Variants in SULF1 observed in about 807,000 individuals in gnomAD.
SULF1 encodes extracellular sulfatase Sulf-1.
Under a neutral mutation model 110.5 loss-of-function variants are expected in SULF1, and 46 were observed. That is an observed-to-expected ratio of 0.42 (90% CI 0.33 to 0.53). The LOEUF (loss-of-function observed/expected upper bound fraction) is 0.53. Among genes scored for constraint, SULF1 ranks in the 20% least tolerant of loss-of-function variants. The pLI is 0.12. For missense variants in SULF1, 941 were observed against 1,094.2 expected (o/e 0.86, Z 1.98); for synonymous variants, 371 against 387.1 (o/e 0.96, Z 0.49).
intron 5 of SULF1, among the ~76,000 whole-genome samples, chr8:69,566,677 C>T (rs2150726471): frequency 6.6e-6 from 1 of 152,114 alleles, no homozygotes; most frequent in East Asian, 1.9e-4. Context: ...ATAGTGAAAC[C>T]CCGTCTGTAC....
intron 3 of SULF1, among the ~76,000 whole-genome samples, chr8:69,505,025 T>G (rs763903965): frequency 5.9e-5 from 9 of 152,216 alleles, no homozygotes; most frequent in Non-Finnish European, 1.0e-4. Flanking sequence ...ACTGCTTACC[T>G]GTAGCTCATT....
intron 1 of SULF1, among the ~76,000 whole-genome samples, chr8:69,485,088 C>T (rs1809652082): frequency 6.6e-6 from 1 of 152,146 alleles, no homozygotes; most frequent in African/African-American, 2.4e-5. Context: ...GATGGGAGCT[C>T]AGGAAAAGTG....
At chr8:69,467,828 T>C (rs1218859690) in intron 1 of SULF1, among the ~76,000 whole-genome samples, 1 of 152,218 alleles carries the variant, frequency 6.6e-6, no homozygotes, top group East Asian at 1.9e-4. Flanking sequence ...AAACTAGTCA[T>C]TGGAAATTAA....
At chr8:69,506,831 G>A (rs1253950320) in intron 3 of SULF1, among the ~76,000 whole-genome samples, 1 of 152,190 alleles carries the variant, frequency 6.6e-6, no homozygotes, top group Non-Finnish European at 1.5e-5. Flanking sequence ...ACATTCACAA[G>A]TGGATATTAA....
intron 6 of SULF1, among the ~76,000 whole-genome samples, chr8:69,583,649 A>G (rs1186844032): frequency 1.3e-5 from 2 of 152,222 alleles, no homozygotes; most frequent in Admixed American, 6.5e-5. Context: ...CCCAGAATAC[A>G]TTGGATTCAT....
chr8:69,493,305 A>C (rs1357839627), intron 1 of SULF1, among the ~76,000 whole-genome samples, 180 bp downstream of exon 1: 2 of 152,042 alleles, frequency 1.3e-5, no homozygotes, highest in Non-Finnish European at 1.5e-5. Flanking sequence ...TTGTAATGAT[A>C]ATAAGAGGGG....
At chr8:69,609,986 A>C (rs1359083821) in intron 13 of SULF1, among the ~76,000 whole-genome samples, 1 of 152,230 alleles carries the variant, frequency 6.6e-6, no homozygotes, top group Non-Finnish European at 1.5e-5. Flanking sequence ...TAGGAGCTAC[A>C]TAAAAGAGAA....
At chr8:69,643,351 G>A (rs1369650553) in intron 22 of SULF1, among the ~76,000 whole-genome samples, 2 of 151,884 alleles carry the variant, frequency 1.3e-5, no homozygotes, top group Non-Finnish European at 2.9e-5. Context: ...GCCCTCCATT[G>A]ATGGAGCCAC....
chr8:69,596,996 A>G (rs1429264281), intron 8 of SULF1: 1 of 152,230 alleles, frequency 6.6e-6, no homozygotes, highest in Non-Finnish European at 1.5e-5. Flanking sequence ...ATATTAAGGA[A>G]CAGAGCTGGG....
chr8:69,660,789 G>A lies in SULF1; in HGVS notation c.*2254G>A, dbSNP rs1279541465. On this transcript the variant is annotated 3_prime_UTR_variant, in exon 23 of 23. Coordinates refer to ENST00000402687, the MANE Select transcript of SULF1 (RefSeq NM_001128205.2). ...AATGTGCTTTGTAAAAAGATTTCAA[G>A]TTATTAGGAAGCATACTCTGTTTTT... 1 of 152,574 alleles carries A rather than the reference G, an allele frequency of 6.6e-6. No individual in the cohort carries two copies. The highest frequency in any genetic ancestry group is 2.4e-5 in the African/African-American group (1 of 41,426). 9.5% of individuals were successfully genotyped at this position (152,574 alleles called of 1,614,324 possible).
intron 19 of SULF1, among the ~76,000 whole-genome samples, chr8:69,631,318 A>G (rs1810526816): frequency 6.6e-6 from 1 of 152,190 alleles, no homozygotes; most frequent in Non-Finnish European, 1.5e-5. Context: ...ATCCTGCTCA[A>G]GCCACCACCA....
chr8:69,517,658 C>T (rs563067629), intron 3 of SULF1, among the ~76,000 whole-genome samples: 1 of 152,140 alleles, frequency 6.6e-6, no homozygotes, highest in Non-Finnish European at 1.5e-5. Context: ...GGACTTCAAA[C>T]AGTAACTATG....
intron 22 of SULF1, among the ~76,000 whole-genome samples, chr8:69,653,561 C>T (rs554519609): frequency 1.1e-3 from 170 of 152,360 alleles, no homozygotes; most frequent in African/African-American, 4.0e-3. Context: ...CATTCACCAG[C>T]TGGAAATTTC....
At chr8:69,577,959 T>C (rs1805739452) in intron 6 of SULF1, among the ~76,000 whole-genome samples, 1 of 152,162 alleles carries the variant, frequency 6.6e-6, no homozygotes, top group African/African-American at 2.4e-5. Context: ...TACAGACCCA[T>C]GAGGACCCTG....
intron 8 of SULF1, among the ~76,000 whole-genome samples, chr8:69,598,589 C>G (rs1000960199): frequency 6.6e-6 from 1 of 151,990 alleles, no homozygotes; most frequent in Non-Finnish European, 1.5e-5. Context: ...ACGGGGTTTC[C>G]CCATGTTGGC....
chr8:69,484,891 C>T (rs1809640846), intron 1 of SULF1, among the ~76,000 whole-genome samples: 1 of 144,812 alleles, frequency 6.9e-6, no homozygotes, highest in South Asian at 2.1e-4. Context: ...CTCTTCGAGA[C>T]AGGAGTCACA....
At chr8:69,554,872 G>C (rs900996328) in intron 3 of SULF1, among the ~76,000 whole-genome samples, 1 of 150,862 alleles carries the variant, frequency 6.6e-6, no homozygotes, top group Non-Finnish European at 1.5e-5. Flanking sequence ...CCAGCTACTC[G>C]GGAGGCTGAG....
At chr8:69,620,862 A>G (rs1441634730) in intron 13 of SULF1, among the ~76,000 whole-genome samples, 173 bp from the exon 14 acceptor site, 3 of 152,186 alleles carry the variant, frequency 2.0e-5, no homozygotes, top group African/African-American at 7.2e-5. Context: ...GAAATAACTG[A>G]GAGTCGAGTT....
At position 69,646,938 on chromosome 8, in the gene SULF1, AT is replaced by A. The variant is rs532105097; in HGVS notation, c.2585+6121del. Among the ~76,000 whole-genome samples, 736 of 97,704 alleles carry A rather than the reference AT, an allele frequency of 7.5e-3. 1 individual carries two copies. Among genetic ancestry groups the A allele is most frequent in the African/African-American group, 0.015 (373 of 25,464 alleles). The allele number at this position is 97,704 out of a possible 152,430, so 64.1% of individuals were successfully genotyped here. A position where few individuals can be genotyped will look rare whatever the true frequency, so the allele number is the denominator to read the frequency against. ...ACAAATTGTATCAAAGAGCCCTGGA[AT>A]TTTTTTTTTTTTTTTTTTTTTTTGA... On this transcript the variant is annotated intron_variant, in intron 22 of 22. Transcript: ENST00000402687.
Sources: allele counts gnomAD v4.1 joint callset (sites outside exome capture counted in the v4.1 genomes callset), GRCh38; gene constraint gnomAD v4.1.1; transcripts MANE v1.5; gene names NCBI Gene and HGNC (gene_info 2026-07-23, HGNC 2026-07-21).